The following BRD10 variants were observed in gnomAD, a reference collection of about 807,000 sequenced individuals.
The protein encoded by BRD10 is bromodomain containing 10, also known as uncharacterized bromodomain-containing protein 10.
the BRD10 span, among the ~76,000 whole-genome samples, chr9:5,984,300 G>A: frequency 6.6e-6 from 1 of 152,092 alleles, no homozygotes; most frequent in Admixed American, 6.5e-5. Flanking sequence ...AACACATGTA[G>A]AAGGAAGGCA....
chr9:5,953,785 T>TA, the BRD10 span, among the ~76,000 whole-genome samples: 1 of 151,928 alleles, frequency 6.6e-6, no homozygotes, highest in Admixed American at 6.6e-5. Flanking sequence ...GATTAAGATA[T>TA]AAAAAAGGGT....
the BRD10 span, among the ~76,000 whole-genome samples, chr9:5,884,955 T>A: frequency 6.6e-6 from 1 of 152,126 alleles, no homozygotes. Flanking sequence ...TGATGAAGCC[T>A]CCTTTGCTGC....
At chr9:5,989,262 A>AAT in the BRD10 span, among the ~76,000 whole-genome samples, 2 of 108,878 alleles carry the variant, frequency 1.8e-5, no homozygotes, top group African/African-American at 3.3e-5. Flanking sequence ...AAAAAAAAAA[A>AAT]TCCAAAAATT....
At chr9:5,892,964 G>A in the BRD10 span, among the ~76,000 whole-genome samples, 2 of 152,208 alleles carry the variant, frequency 1.3e-5, no homozygotes, top group Admixed American at 1.3e-4. Context: ...AGGATGACGG[G>A]CAGGTGTGTG....
At chr9:5,994,334 G>A in the BRD10 span, among the ~76,000 whole-genome samples, 2 of 152,086 alleles carry the variant, frequency 1.3e-5, no homozygotes, top group African/African-American at 4.8e-5. Flanking sequence ...TTTGCTGCTT[G>A]AGAAGCCAGA....
chr9:5,914,045 C>T, the BRD10 span: 2 of 453,042 alleles, frequency 4.4e-6, no homozygotes, highest in South Asian at 3.1e-5. Flanking sequence ...CAGCTTGGCA[C>T]ACTTAAGAGA....
At chr9:5,960,647 T>TA in the BRD10 span, among the ~76,000 whole-genome samples, 3 of 152,168 alleles carry the variant, frequency 2.0e-5, no homozygotes, top group African/African-American at 4.8e-5. Flanking sequence ...GAAAGTATCT[T>TA]AAAACACCAT....
chr9:5,986,444 G>A, the BRD10 span, among the ~76,000 whole-genome samples: 2 of 152,196 alleles, frequency 1.3e-5, no homozygotes, highest in Middle Eastern at 3.4e-3. Flanking sequence ...AGGCATGCAC[G>A]TACCTTTATA....
the BRD10 span, chr9:5,988,293 G>A: frequency 7.4e-7 from 1 of 1,350,616 alleles, no homozygotes; most frequent in Non-Finnish European, 1.1e-6. Context: ...ATCTGATATG[G>A]GCACATAAAA....
chr9:5,967,708 A>AAC, the BRD10 span, among the ~76,000 whole-genome samples: 1 of 151,370 alleles, frequency 6.6e-6, no homozygotes, highest in South Asian at 2.1e-4. Context: ...AAAAAAAAAA[A>AAC]AAACACACAT....
chr9:5,922,284 A>G, the BRD10 span: 6 of 1,613,960 alleles, frequency 3.7e-6, no homozygotes, highest in Non-Finnish European at 5.1e-6. Flanking sequence ...GTTGTTGTTG[A>G]TGACAGAGGC....
chr9:5,967,984 T>G, the BRD10 span: 1 of 1,295,102 alleles, frequency 7.7e-7, no homozygotes, highest in South Asian at 1.5e-5. Context: ...TGAATTATAC[T>G]TAAATATAAC....
chr9:5,889,290 T>G, the BRD10 span, among the ~76,000 whole-genome samples: 1 of 152,150 alleles, frequency 6.6e-6, no homozygotes, highest in African/African-American at 2.4e-5. Flanking sequence ...TCACCTGACC[T>G]CTCATCAACC....
At chr9:5,924,448 T>A in the BRD10 span, among the ~76,000 whole-genome samples, 1 of 152,146 alleles carries the variant, frequency 6.6e-6, no homozygotes. Context: ...CTGGCTAATT[T>A]TTATTTATTT....
the BRD10 span, chr9:5,921,011 A>C: frequency 2.4e-5 from 38 of 1,613,854 alleles, no homozygotes; most frequent in Non-Finnish European, 2.9e-5. Flanking sequence ...AAAGGAACCC[A>C]AAGATAAATT....
At chr9:5,986,688 G>C in the BRD10 span, among the ~76,000 whole-genome samples, 1 of 152,148 alleles carries the variant, frequency 6.6e-6, no homozygotes, top group South Asian at 2.1e-4. Flanking sequence ...CACTAAAAGA[G>C]ATAGCTTAAT....
chr9:5,971,898 C>A, the BRD10 span, among the ~76,000 whole-genome samples: 1 of 151,612 alleles, frequency 6.6e-6, no homozygotes, highest in Admixed American at 6.6e-5. Flanking sequence ...TTTTTGTCTT[C>A]ACAATAGGAG....
At chr9:5,939,425 T>C in the BRD10 span, among the ~76,000 whole-genome samples, 1 of 152,198 alleles carries the variant, frequency 6.6e-6, no homozygotes, top group African/African-American at 2.4e-5. Context: ...TATATAACCA[T>C]ATTGTTTGTA....
chr9:5,953,697 T>TAC, the BRD10 span, among the ~76,000 whole-genome samples: 668 of 150,886 alleles, frequency 4.4e-3, 2 homozygotes, highest in Non-Finnish European at 6.8e-3. Context: ...TATATATACA[T>TAC]ACACACACAC....
Sources: allele counts gnomAD v4.1 joint callset (sites outside exome capture counted in the v4.1 genomes callset), GRCh38; gene constraint gnomAD v4.1.1; transcripts MANE v1.5; gene names NCBI Gene and HGNC (gene_info 2026-07-23, HGNC 2026-07-21).